Variants in DACH2 observed in about 807,000 individuals in gnomAD.
DACH2 encodes the protein dachshund family transcription factor 2, also known as dachshund homolog 2.
In DACH2, 17 loss-of-function variants were observed where a neutral mutation model predicts 35.8. That is an observed-to-expected ratio of 0.48 (90% CI 0.33 to 0.71). DACH2 has a LOEUF of 0.71. Ranked by LOEUF, DACH2 falls within the 30% of genes least tolerant of loss-of-function variation. The probability of loss-of-function intolerance (pLI) is 0.02; values close to 1 mark genes in which losing one functional copy is unlikely to be tolerated. For synonymous variants in DACH2, 195 were observed against 177.3 expected (o/e 1.10, Z -0.79); for missense variants, 469 against 472.7 (o/e 0.99, Z 0.07).
chrX:86,443,154 T>G (rs1002881440), intron 2 of DACH2, among the ~76,000 whole-genome samples: 2 of 111,989 alleles, frequency 1.8e-5, no homozygotes, highest in Admixed American at 1.9e-4. Context: ...ATCTGTAATA[T>G]TGACGTTTTT....
intron 7 of DACH2, 148 bp from the exon 8 acceptor site, chrX:86,812,708 C>G (rs1484404102): frequency 1.7e-5 from 6 of 355,937 alleles, no homozygotes; most frequent in Non-Finnish European, 2.9e-5. Flanking sequence ...TTAGAGGCAG[C>G]TGGAGAATAA....
intron 3 of DACH2, among the ~76,000 whole-genome samples, chrX:86,553,873 T>C (rs932708447): frequency 2.7e-5 from 3 of 111,371 alleles, no homozygotes; most frequent in Non-Finnish European, 5.7e-5. Context: ...CAAATACAAA[T>C]GATTCATGGG....
intron 1 of DACH2, among the ~76,000 whole-genome samples, chrX:86,331,868 A>G (rs778134317): frequency 1.8e-5 from 2 of 111,393 alleles, no homozygotes; most frequent in Non-Finnish European, 3.8e-5. Flanking sequence ...TGATACATGT[A>G]CAGAGTGAGT....
In DACH2 at chrX:86,767,262, G is replaced by A. The variant is rs574963659; in HGVS notation, c.1240+27380G>A. 1.1e-3 allele frequency among the ~76,000 whole-genome samples: 121 copies of A among 111,704 alleles called. 3 individuals carry two copies. The South Asian group carries it at 0.041, about 38-fold the overall frequency. Reference sequence around the variant, plus strand: ...TAAGGTGTAAACAGGGGATTAACTCGTTGGCTAGAACCTCTGAAGCAGTAT... The same window carrying A: ...TAAGGTGTAAACAGGGGATTAACTCATTGGCTAGAACCTCTGAAGCAGTAT... On this transcript the variant is annotated intron_variant, in intron 7 of 11. Transcript: ENST00000373125.
At chrX:86,162,742 TAA>T (rs1299871449) in intron 1 of DACH2, among the ~76,000 whole-genome samples, 1 of 111,766 alleles carries the variant, frequency 8.9e-6, no homozygotes, top group African/African-American at 3.2e-5. Context: ...TAAAAAATTA[TAA>T]AGTGTCCATT....
chrX:86,584,351 C>T (rs968105512), intron 3 of DACH2, among the ~76,000 whole-genome samples: 3 of 110,230 alleles, frequency 2.7e-5, no homozygotes, highest in African/African-American at 9.8e-5. Flanking sequence ...ATTTCTGATA[C>T]CTTTGCCATT....
chrX:86,741,411 G>T (rs2041654539), intron 7 of DACH2, among the ~76,000 whole-genome samples: 1 of 111,418 alleles, frequency 9.0e-6, no homozygotes, highest in Non-Finnish European at 1.9e-5. Flanking sequence ...TGATTCACTT[G>T]GTCTGGAATA....
At chrX:86,806,420 CTG>C (rs1472089546) in intron 7 of DACH2, among the ~76,000 whole-genome samples, 35 of 111,595 alleles carry the variant, frequency 3.1e-4, no homozygotes, top group African/African-American at 1.0e-3. Context: ...ATCTCCAACA[CTG>C]AGGATTTTTG....
intron 7 of DACH2, among the ~76,000 whole-genome samples, chrX:86,782,377 C>T (rs948693581): frequency 1.8e-5 from 2 of 111,167 alleles, no homozygotes; most frequent in Non-Finnish European, 3.8e-5. Context: ...CCAGAATGGC[C>T]GAAGTTACAA....
chrX:86,463,759 T>C (rs796838506), intron 2 of DACH2, among the ~76,000 whole-genome samples: 5 of 110,629 alleles, frequency 4.5e-5, no homozygotes, highest in South Asian at 3.8e-4. Flanking sequence ...TGGGAGAAAA[T>C]TTTTGCAATC....
intron 3 of DACH2, among the ~76,000 whole-genome samples, chrX:86,520,609 A>G (rs1231853456): frequency 1.8e-5 from 2 of 111,730 alleles, no homozygotes; most frequent in African/African-American, 3.3e-5. Flanking sequence ...ATATATATTT[A>G]GGATAGTCAG....
At chrX:86,211,947 A>G (rs1236767707) in intron 1 of DACH2, among the ~76,000 whole-genome samples, 1 of 111,629 alleles carries the variant, frequency 9.0e-6, no homozygotes. Context: ...CATTTTATAG[A>G]TAGTTTATTG....
chrX:86,322,850 G>C (rs138939929), intron 1 of DACH2, among the ~76,000 whole-genome samples: 1,331 of 112,236 alleles, frequency 0.012, 16 homozygotes, highest in African/African-American at 0.041. Context: ...AGACACAATA[G>C]GTGTCTTAGG....
At chrX:86,543,099 G>A (rs183496832) in intron 3 of DACH2, among the ~76,000 whole-genome samples, 2 of 111,407 alleles carry the variant, frequency 1.8e-5, no homozygotes, top group Non-Finnish European at 3.8e-5. Flanking sequence ...AGACTGGTGC[G>A]CTCAGAGTAG....
intron 1 of DACH2, among the ~76,000 whole-genome samples, chrX:86,301,345 T>A (rs1220033940): frequency 8.9e-6 from 1 of 112,032 alleles, no homozygotes; most frequent in Non-Finnish European, 1.9e-5. Flanking sequence ...GGTTCATAAA[T>A]ATATTACTGA....
chrX:86,195,991 A>G (rs559320416), intron 1 of DACH2, among the ~76,000 whole-genome samples: 1 of 112,099 alleles, frequency 8.9e-6, no homozygotes, highest in Middle Eastern at 4.6e-3. Context: ...ATGAGAAAGA[A>G]CCTTTGCTAG....
At chrX:86,572,666 T>C in intron 3 of DACH2, among the ~76,000 whole-genome samples, 1 of 111,693 alleles carries the variant, frequency 9.0e-6, no homozygotes, top group East Asian at 2.8e-4. Context: ...AGGGATTTTG[T>C]AGATGCCCAT....
intron 2 of DACH2, among the ~76,000 whole-genome samples, chrX:86,397,898 T>G (rs1250320721): frequency 1.8e-5 from 2 of 111,930 alleles, no homozygotes; most frequent in African/African-American, 6.5e-5. Flanking sequence ...GGTGATGCTG[T>G]CCTCATAAAA....
chrX:86,678,813 A>G (rs1382484736), intron 4 of DACH2, among the ~76,000 whole-genome samples: 1 of 112,498 alleles, frequency 8.9e-6, no homozygotes, highest in African/African-American at 3.2e-5. Flanking sequence ...TAGAATAGGT[A>G]GCATTGCTTT....
Sources: gnomAD v4.1 joint callset for allele counts (sites outside exome capture counted in the v4.1 genomes callset) on GRCh38, gnomAD v4.1.1 for gene constraint, MANE v1.5 for transcripts, NCBI Gene and HGNC (gene_info 2026-07-23, HGNC 2026-07-21) for gene names.